Variants in TECTA observed in about 807,000 individuals in gnomAD.
The protein encoded by TECTA is tectorin alpha, also known as alpha-tectorin.
Under a neutral mutation model 216.8 loss-of-function variants are expected in TECTA, and 128 were observed. The observed-to-expected ratio is 0.59, with a 90% CI of 0.51 to 0.68. The LOEUF (loss-of-function observed/expected upper bound fraction) is 0.68. TECTA is among the 30% of genes least tolerant of loss of function. The pLI, the probability that TECTA is intolerant of heterozygous loss-of-function variation, is 0.00. For synonymous variants in TECTA, 1,089 were observed against 1,117.1 expected (o/e 0.97, Z 0.50); for missense variants, 2,551 against 2,786.2 (o/e 0.92, Z 1.90).
At chr11:121,119,006 C>A (rs959063881) in intron 7 of TECTA, among the ~76,000 whole-genome samples, 5 of 93,460 alleles carry the variant, frequency 5.3e-5, no homozygotes, top group South Asian at 2.7e-4. Flanking sequence ...CACACACACA[C>A]ACACACACAC....
intron 19 of TECTA, 103 bp from the exon 20 acceptor site, chr11:121,168,574 T>C: frequency 1.3e-6 from 2 of 1,574,094 alleles, no homozygotes; most frequent in Admixed American, 1.7e-5. Flanking sequence ...ACTTTGCTAC[T>C]ACGTGCTTTG....
At chr11:121,154,833 T>C (rs1476335459) in intron 13 of TECTA, among the ~76,000 whole-genome samples, 1 of 152,248 alleles carries the variant, frequency 6.6e-6, no homozygotes, top group Admixed American at 6.5e-5. Flanking sequence ...TGGTAGCTGC[T>C]ATTGTTATTG....
chr11:121,135,802 G>A (rs888052951), intron 10 of TECTA, among the ~76,000 whole-genome samples: 10 of 152,196 alleles, frequency 6.6e-5, no homozygotes, highest in Non-Finnish European at 8.8e-5. Flanking sequence ...TGGGGACTTC[G>A]CTGATCTTTA....
chr11:121,191,398 C>T lies in TECTA; in HGVS notation c.*592C>T, dbSNP rs1488626529. ...GGGGAACCCCACCCACTCTCCTACCCCCTCGAACCCAATCCCTTCTCTTTT... is the reference window on the plus strand; with the variant it reads ...GGGGAACCCCACCCACTCTCCTACCTCCTCGAACCCAATCCCTTCTCTTTT... On this transcript the variant is annotated 3_prime_UTR_variant, in exon 24 of 24. Coordinates refer to ENST00000392793, the MANE Select transcript of TECTA (RefSeq NM_005422.4). 2 of 159,438 alleles carry T rather than the reference C, an allele frequency of 1.3e-5. No homozygotes were observed. The highest frequency in any genetic ancestry group is 1.8e-4 in the South Asian group (1 of 5,612). 9.9% of individuals were successfully genotyped at this position (159,438 alleles called of 1,614,324 possible). A position where few individuals can be genotyped will look rare whatever the true frequency, so the allele number is the denominator to read the frequency against.
rs370707010 is a variant in TECTA, at chr11:121,127,967, T to G, written c.1990T>G (p.Phe664Val). Residue 664 changes from phenylalanine (F) to valine (V), a missense_variant, in exon 9 of 24, where the codon TTC (phenylalanine) becomes GTC (valine). By Grantham distance (50) the Phe-to-Val change is conservative. Transcript: ENST00000392793. This position sits in a 1 kb window ranked among gnomAD's most constrained non-coding sequence, Gnocchi z 5.0. The part of the protein sequence containing the change: ...FDGHYYTMGE[F>V]FWATANCTVQ... ...CGGCCACTACTACACCATGGGGGAG[T>G]TCTTCTGGGCCACGGCCAACTGCAC... 8.1e-6 allele frequency: 13 copies of G among 1,613,846 alleles called. No homozygotes were observed. The African/African-American group carries it at 1.6e-4, about 20-fold the overall frequency.
chr11:121,188,018 G>A, intron 21 of TECTA, 24 bp downstream of exon 21: 1 of 1,613,838 alleles, frequency 6.2e-7, no homozygotes, highest in Non-Finnish European at 8.5e-7. Flanking sequence ...TGAAAACAAA[G>A]TGCTTAGCCT....
chr11:121,117,141 T>C (rs1408947360), intron 6 of TECTA, among the ~76,000 whole-genome samples: 1 of 152,274 alleles, frequency 6.6e-6, no homozygotes, highest in Non-Finnish European at 1.5e-5. Context: ...TTCTTAATGC[T>C]GTGTCTTTGA....
In TECTA at chr11:121,165,596, G is replaced by T. The variant is rs114804515; in HGVS notation, c.5383+213G>T. On this transcript the variant is annotated intron_variant, in intron 17 of 23. Coordinates refer to ENST00000392793, the MANE Select transcript of TECTA (RefSeq NM_005422.4). ...ATAACACACAAATTTGTACATGAATGGAACCAGCCGGTTCCATCTGAGGCC... is the reference window on the plus strand; with the variant it reads ...ATAACACACAAATTTGTACATGAATTGAACCAGCCGGTTCCATCTGAGGCC... 0.021 allele frequency among the ~76,000 whole-genome samples: 3,122 copies of T among 152,262 alleles called. 106 individuals are homozygous for T. Among genetic ancestry groups the T allele is most frequent in the African/African-American group, 0.071 (2,934 of 41,546 alleles).
At chr11:121,187,696 GT>G (rs1469758465) in intron 20 of TECTA, 135 bp from the exon 21 acceptor site, 1 of 910,440 alleles carries the variant, frequency 1.1e-6, no homozygotes, top group African/African-American at 1.6e-5. Flanking sequence ...CAGTCCAGGG[GT>G]CACTTTCAAA....
rs778436023 is a variant in TECTA, at chr11:121,128,057, G to A, written c.2080G>A (p.Glu694Lys). Residue 694 changes from glutamate to lysine, a missense_variant, in exon 9 of 24, where the codon GAG (glutamate) becomes AAG (lysine). Around this residue, in one of 3 missense-constraint regions of TECTA, gnomAD observed 2,375 missense variants for 2,563.9 expected, o/e 0.93. Transcript: ENST00000392793. ...CTTCAACAAGACCTGCGGCAGCGGG[G>A]AGGTGTGCGCCGTGGAGGACGGCTA... ...YCFNKTCGSGEVCAVEDGYQG... is the reference protein window; with the variant it reads ...YCFNKTCGSGKVCAVEDGYQG... The A allele has an allele frequency of 8.7e-6, 14 of 1,612,436 alleles. No individual in the cohort carries two copies. Among genetic ancestry groups the A allele is most frequent in the Non-Finnish European group, 1.1e-5 (13 of 1,179,334 alleles).
At chr11:121,151,894 G>A (rs1946894074) in intron 12 of TECTA, among the ~76,000 whole-genome samples, 1 of 152,196 alleles carries the variant, frequency 6.6e-6, no homozygotes, top group South Asian at 2.1e-4. Context: ...TACGTTGATT[G>A]AGATAATAGC....
chr11:121,176,880 C>A (rs370422865), intron 20 of TECTA, among the ~76,000 whole-genome samples: 2 of 151,922 alleles, frequency 1.3e-5, no homozygotes, highest in African/African-American at 4.8e-5. Context: ...ATTTCTTTTT[C>A]TTCTTTTTTC....
At chr11:121,107,135 G>T (rs1414547504) in intron 3 of TECTA, among the ~76,000 whole-genome samples, 2 of 152,128 alleles carry the variant, frequency 1.3e-5, no homozygotes, top group African/African-American at 4.8e-5. Context: ...CTCTATTCAC[G>T]GCAGGGCCTC....
rs1946620107 is a variant in TECTA, at chr11:121,127,073, G to A, written c.1775-679G>A. 6.6e-6 allele frequency among the ~76,000 whole-genome samples: 1 copy of A among 152,194 alleles called. No homozygotes were observed. Among genetic ancestry groups the A allele is most frequent in the Non-Finnish European group, 1.5e-5 (1 of 68,044 alleles). On this transcript the variant is annotated intron_variant, in intron 8 of 23. Coordinates refer to ENST00000392793, the MANE Select transcript of TECTA (RefSeq NM_005422.4). The surrounding 1 kb of genome is among the most constrained non-coding windows in gnomAD (Gnocchi z 5.0). The stretch of plus-strand genomic sequence containing the variant: ...GATTCAACCAGACTCAAACATTTAT[G>A]TAGACCCAGATGTTATTAAAGCAAG...
intron 11 of TECTA, among the ~76,000 whole-genome samples, chr11:121,141,868 C>T (rs892190463): frequency 6.6e-6 from 1 of 152,188 alleles, no homozygotes; most frequent in African/African-American, 2.4e-5. Flanking sequence ...GCGCAAGAGA[C>T]AGACATTGGC....
At chr11:121,190,591 G>T in intron 23 of TECTA, 115 bp from the exon 24 acceptor site, 1 of 807,246 alleles carries the variant, frequency 1.2e-6, no homozygotes, top group Non-Finnish European at 2.1e-6. Context: ...TAGGTAAAAT[G>T]GGTTCTTGGC....
At position 121,125,830 on chromosome 11, in the gene TECTA, C is replaced by T. The variant is rs1053856526; in HGVS notation, c.1732C>T (p.Leu578Phe). ...IQAYALVCQALGIPIGDWRTQ... is the reference protein window; with the variant it reads ...IQAYALVCQAFGIPIGDWRTQ... ...GGCCTATGCTCTTGTGTGCCAAGCC[C>T]TTGGCATTCCAATTGGAGACTGGCG... Residue 578 changes from leucine (L) to phenylalanine (F), a missense_variant, in exon 8 of 24, where the codon CTT becomes TTT. Transcript: ENST00000392793. 1 of 1,613,164 alleles carries T rather than the reference C, an allele frequency of 6.2e-7. No individual in the cohort carries two copies. The highest frequency in any genetic ancestry group is 1.7e-5 in the Admixed American group (1 of 60,032).
chr11:121,141,308 G>A (rs1565528110), intron 11 of TECTA, among the ~76,000 whole-genome samples: 1 of 152,160 alleles, frequency 6.6e-6, no homozygotes, highest in Non-Finnish European at 1.5e-5. Context: ...GAAGTGCTGG[G>A]TAAAACACAG....
intron 11 of TECTA, among the ~76,000 whole-genome samples, chr11:121,145,153 A>C (rs1946822630): frequency 6.6e-6 from 1 of 152,240 alleles, no homozygotes; most frequent in South Asian, 2.1e-4. Flanking sequence ...TCTCGAAGGA[A>C]TTAGTACACT....
Sources: allele counts gnomAD v4.1 joint callset (sites outside exome capture counted in the v4.1 genomes callset), GRCh38; gene constraint gnomAD v4.1.1; regional missense constraint gnomAD v4.1.1; non-coding constraint Gnocchi (gnomAD v3.1); transcripts MANE v1.5; gene names NCBI Gene and HGNC (gene_info 2026-07-23, HGNC 2026-07-21).